Variants in ZNF276 observed in about 807,000 individuals in gnomAD.
ZNF276 encodes zinc finger protein 276.
In ZNF276, 59 loss-of-function variants were observed where a neutral mutation model predicts 63.9. The ratio of observed to expected loss-of-function variants is 0.92; its 90% confidence interval spans 0.75 to 1.15. The LOEUF (loss-of-function observed/expected upper bound fraction) is 1.15. ZNF276 is among the 50% of genes most tolerant of loss of function. The probability of loss-of-function intolerance (pLI) is 0.00; values close to 1 mark genes in which losing one functional copy is unlikely to be tolerated. For synonymous variants in ZNF276, 496 were observed against 348.4 expected (o/e 1.42, Z -4.72); for missense variants, 1,084 against 843.8 (o/e 1.28, Z -3.53).
chr16:89,730,879 G>A (rs569471983), intron 6 of ZNF276, among the ~76,000 whole-genome samples: 1 of 152,374 alleles, frequency 6.6e-6, no homozygotes, highest in East Asian at 1.9e-4. Context: ...TCAGCTGGGG[G>A]CGCATGAGAA....
rs1174072530 is a variant in ZNF276 at position 89,734,040 on chromosome 16, T to TA, written c.1474+3dup. On this transcript the variant is annotated splice_region_variant and intron_variant, in intron 9 of 10. Transcript: ENST00000443381. ...GCCACGTGAAGCTCATCCACACAGG[T>TA]ACGCCTATCGCCAGTGTCGCCCACG... is the stretch of plus-strand genomic sequence containing the variant. 2 of 1,613,578 alleles carry TA rather than the reference T, an allele frequency of 1.2e-6. No homozygotes were observed. The highest frequency in any genetic ancestry group is 1.7e-6 in the Non-Finnish European group (2 of 1,179,802).
At chr16:89,733,455 G>A (rs1406314809) in intron 7 of ZNF276, 27 bp from the exon 8 acceptor site, 1 of 1,614,040 alleles carries the variant, frequency 6.2e-7, no homozygotes, top group African/African-American at 1.3e-5. Context: ...GTCGGGGCCG[G>A]GGCTCCATGC....
rs184284772 is a variant in ZNF276 at position 89,726,780 on chromosome 16, G to A, written c.1007-499G>A. Among the ~76,000 whole-genome samples the A allele has an allele frequency of 2.6e-5, 4 of 152,004 alleles. No individual in the cohort carries two copies. In the East Asian group the frequency reaches 7.8e-4, roughly 29 times the overall value. On this transcript the variant is annotated intron_variant, in intron 4 of 10. Transcript: ENST00000443381. ...TCTGCCTCAGCCTCCCAGGTAGCTG[G>A]GATTACAGGTGTGTGCCACCATGCC...
Position 89,738,836 on chromosome 16 carries a change from A to G in ZNF276, c.*590A>G. 6.2e-7 allele frequency: 1 copy of G among 1,614,166 alleles called. No homozygotes were observed. Among genetic ancestry groups the G allele is most frequent in the Non-Finnish European group, 8.5e-7 (1 of 1,180,014 alleles). ...AGGCACATGGCCCAGGCAGCTGTCA[A>G]TTCTCATGTCCCCCACATGGCCCAA... On this transcript the variant is annotated 3_prime_UTR_variant, in exon 11 of 11. Coordinates refer to ENST00000443381, the MANE Select transcript of ZNF276 (RefSeq NM_001113525.2).
At chr16:89,735,916 A>C (rs1283923112) in intron 9 of ZNF276, among the ~76,000 whole-genome samples, 2 of 131,180 alleles carry the variant, frequency 1.5e-5, no homozygotes, top group Admixed American at 7.8e-5. Context: ...TTTTTGACTG[A>C]GTCTTGCTCT....
At position 89,740,113 on chromosome 16, in the gene ZNF276, G is replaced by C. The variant is rs762916608; in HGVS notation, c.*1867G>C. ...GTCTGTGGTGCTCTGTAAACCGCAG[G>C]AGACCAACCCTGAGAATGGCCGACC... On this transcript the variant is annotated 3_prime_UTR_variant, in exon 11 of 11. Transcript: ENST00000443381. The C allele has an allele frequency of 1.2e-5, 20 of 1,611,008 alleles. No individual in the cohort carries two copies. The highest frequency in any genetic ancestry group is 5.0e-5 in the Admixed American group (3 of 60,000).
chr16:89,723,042 C>T (rs2061352425), intron 2 of ZNF276, 95 bp from the exon 3 acceptor site: 3 of 1,608,560 alleles, frequency 1.9e-6, no homozygotes, highest in Non-Finnish European at 2.5e-6. Flanking sequence ...CCTATGGGGA[C>T]CGCTGAGGTT....
upstream of ZNF276, chr16:89,721,493 CCGCCCCGCCCGCCTCGCTTTGCTTCT>C (rs1434663772): frequency 1.2e-6 from 1 of 806,280 alleles, no homozygotes; most frequent in East Asian, 3.5e-5. Flanking sequence ...GGCCCCTGGC[CCGCCCCGCCCGCCTCGCTTTGCTTCT>C]CGCTCCGCCC....
chr16:89,736,532 T>C (rs2061900594), intron 9 of ZNF276, among the ~76,000 whole-genome samples: 1 of 151,302 alleles, frequency 6.6e-6, no homozygotes, highest in African/African-American at 2.4e-5. Context: ...ACCATATTGA[T>C]TGGGCTGGGG....
Position 89,740,639 on chromosome 16 carries a change from A to T in ZNF276, c.*2393A>T, listed in dbSNP as rs1192010816. 3 of 505,252 alleles carry T rather than the reference A, an allele frequency of 5.9e-6. No individual in the cohort carries two copies. Among genetic ancestry groups the T allele is most frequent in the Non-Finnish European group, 1.1e-5 (3 of 281,040 alleles). 31.3% of individuals were successfully genotyped at this position (505,252 alleles called of 1,614,324 possible). On this transcript the variant is annotated 3_prime_UTR_variant, in exon 11 of 11. Transcript: ENST00000443381. ...TGACAGAGTGAGACCCCCATCTCAA[A>T]AAAAAAAAAAAAAAACCCACGGCCT...
At position 89,733,969 on chromosome 16, in the gene ZNF276, C is replaced by T; in HGVS notation, c.1405C>T (p.His469Tyr). The T allele has an allele frequency of 6.2e-7, 1 of 1,614,096 alleles. No individual in the cohort carries two copies. Among genetic ancestry groups the T allele is most frequent in the Non-Finnish European group, 8.5e-7 (1 of 1,180,018 alleles). Residue 469 changes from histidine (H) to tyrosine (Y), a missense_variant, in exon 9 of 11, where the codon CAC (histidine) becomes TAC (tyrosine). Coordinates refer to ENST00000443381, the MANE Select transcript of ZNF276 (RefSeq NM_001113525.2). ...GGAGGTCCGGGAGCGGCCCTGCCCC[C>T]ACCCTGGCTGCAACAAGGTTTTCAT... ...HEEVRERPCPHPGCNKVFMID... is the reference protein window; with the variant it reads ...HEEVRERPCPYPGCNKVFMID...
chr16:89,720,701 C>G, upstream of ZNF276: 1 of 1,329,756 alleles, frequency 7.5e-7, no homozygotes, highest in Non-Finnish European at 9.6e-7. Context: ...TCGCCCTCCC[C>G]GGGCGGGGGT....
chr16:89,738,914 A>C lies in ZNF276; in HGVS notation c.*668A>C. The C allele has an allele frequency of 1.2e-6, 2 of 1,614,256 alleles. No homozygotes were observed. On this transcript the variant is annotated 3_prime_UTR_variant, in exon 11 of 11. Coordinates refer to ENST00000443381, the MANE Select transcript of ZNF276 (RefSeq NM_001113525.2). ...ACGTGTGAGAAGCTCTTTTTCGGGCACCGAGGTATTAACTGCAGCAGAAAA... is the reference window on the plus strand; with the variant it reads ...ACGTGTGAGAAGCTCTTTTTCGGGCCCCGAGGTATTAACTGCAGCAGAAAA...
In ZNF276 at chr16:89,721,544, C is replaced by T. The variant is rs1258132739; in HGVS notation, c.-97C>T. The T allele has an allele frequency of 7.8e-7, 1 of 1,279,424 alleles. No homozygotes were observed. The highest frequency in any genetic ancestry group is 1.0e-6 in the Non-Finnish European group (1 of 965,226). 79.3% of individuals were successfully genotyped at this position (1,279,424 alleles called of 1,614,324 possible). A position where few individuals can be genotyped will look rare whatever the true frequency, so the allele number is the denominator to read the frequency against. ...TCGCTCCGCCCCTCCCCCGCCCCGC[C>T]TCGCTTCCAGCGCGCCGAGCGGAGC... On this transcript the variant is annotated 5_prime_UTR_variant, in exon 1 of 11. Transcript: ENST00000443381.
rs17227396 is a variant in ZNF276 at position 89,739,264 on chromosome 16, C to T, written c.*1018C>T. 2.3e-3 allele frequency: 3,720 copies of T among 1,614,124 alleles called. 104 individuals carry two copies. The South Asian group carries it at 0.037, about 16-fold the overall frequency. On this transcript the variant is annotated 3_prime_UTR_variant, in exon 11 of 11. Coordinates refer to ENST00000443381, the MANE Select transcript of ZNF276 (RefSeq NM_001113525.2). ...AGGAAGGCCTCTTCCCTGATGGCCG[C>T]GTCTTCATGGAAGTAGGAGAGAAGA...
rs775583555 is a variant in ZNF276, at chr16:89,727,281, C to A, written c.1009C>A (p.Gln337Lys). The A allele has an allele frequency of 1.4e-5, 23 of 1,613,982 alleles. No homozygotes were observed. The highest frequency in any genetic ancestry group is 1.9e-5 in the Non-Finnish European group (23 of 1,180,004). The part of the protein sequence containing the change: ...PSLPLCRAPG[Q>K]LGEKQLPSST... ...GAGCCTTGTTCTTTGTTTCTCAGGG[C>A]AGTTGGGTGAGAAGCAGCTTCCATC... The change falls in exon 5 of 11, where the codon CAG becomes AAG. Residue 337 changes from glutamine (Q) to lysine (K), a missense_variant and splice_region_variant. By Grantham distance (53) the Gln-to-Lys change is moderately conservative. Transcript: ENST00000443381.
intron 9 of ZNF276, 150 bp from the exon 10 acceptor site, chr16:89,737,656 G>C: frequency 2.1e-6 from 3 of 1,437,158 alleles, no homozygotes; most frequent in Non-Finnish European, 2.8e-6. Flanking sequence ...TAATAAACGA[G>C]GCCCTCATAG....
upstream of ZNF276, chr16:89,720,594 C>A: frequency 8.2e-7 from 1 of 1,225,266 alleles, no homozygotes; most frequent in Non-Finnish European, 1.0e-6. Context: ...TCACTGCACG[C>A]CCGGCTGCGC....
At chr16:89,724,856 G>GTC (rs201773237) in intron 4 of ZNF276, among the ~76,000 whole-genome samples, 1 of 152,032 alleles carries the variant, frequency 6.6e-6, no homozygotes, top group Non-Finnish European at 1.5e-5. Flanking sequence ...CTACTTCTTT[G>GTC]TCTCTCTCTA....
Sources: gnomAD v4.1 joint callset for allele counts (sites outside exome capture counted in the v4.1 genomes callset) on GRCh38, gnomAD v4.1.1 for gene constraint, MANE v1.5 for transcripts, NCBI Gene and HGNC (gene_info 2026-07-23, HGNC 2026-07-21) for gene names.